The following ZFP1 variants were observed in gnomAD, a reference collection of about 807,000 sequenced individuals.
The protein encoded by ZFP1 is ZFP1 zinc finger protein.
A neutral mutation model predicts 38.5 loss-of-function variants in ZFP1; 32 were observed. That is an observed-to-expected ratio of 0.83 (90% CI 0.63 to 1.12). The LOEUF (loss-of-function observed/expected upper bound fraction) is 1.12, where lower values mean the gene tolerates loss of function less well. ZFP1 is among the 50% of genes most tolerant of loss of function. ZFP1 has a pLI of 0.00. For missense variants in ZFP1, 616 were observed against 480.8 expected (o/e 1.28, Z -2.63); for synonymous variants, 245 against 168.8 (o/e 1.45, Z -3.50).
chr16:75,151,231 A>C (rs1309951400), intron 1 of ZFP1, among the ~76,000 whole-genome samples: 1 of 151,698 alleles, frequency 6.6e-6, no homozygotes, highest in African/African-American at 2.4e-5. Flanking sequence ...TTTTACTTTG[A>C]ATGTAGCTAT....
intron 2 of ZFP1, among the ~76,000 whole-genome samples, chr16:75,162,262 A>G (rs2145553212): frequency 6.6e-6 from 1 of 151,548 alleles, no homozygotes; most frequent in South Asian, 2.1e-4. Context: ...AGCTGGGACT[A>G]CAGGCAGGCA....
chr16:75,156,848 C>T (rs557444580), intron 2 of ZFP1, among the ~76,000 whole-genome samples: 1 of 152,318 alleles, frequency 6.6e-6, no homozygotes, highest in Admixed American at 6.5e-5. Flanking sequence ...AGACAGATGT[C>T]ATCAGAACAT....
chr16:75,139,392 A>C, the ZFP1 span, among the ~76,000 whole-genome samples: 3 of 131,516 alleles, frequency 2.3e-5, no homozygotes, highest in East Asian at 1.9e-4. Flanking sequence ...AAAAAAAAAA[A>C]AAAACACCGT....
chr16:75,130,433 G>A, the ZFP1 span, among the ~76,000 whole-genome samples: 2 of 152,088 alleles, frequency 1.3e-5, no homozygotes, highest in Non-Finnish European at 2.9e-5. Flanking sequence ...GCAATTTGTT[G>A]ACTGGCCTTG....
At chr16:75,163,799 C>G (rs1468596292) in intron 2 of ZFP1, among the ~76,000 whole-genome samples, 1 of 151,492 alleles carries the variant, frequency 6.6e-6, no homozygotes, top group African/African-American at 2.4e-5. Context: ...GTTGTAGAGA[C>G]AGGGTCTTGC....
At chr16:75,144,749 T>C (rs2036925330), upstream of ZFP1, among the ~76,000 whole-genome samples, 1 of 152,234 alleles carries the variant, frequency 6.6e-6, no homozygotes, top group Non-Finnish European at 1.5e-5. Context: ...TTTCTGTCTT[T>C]ATAAATTTGC....
upstream of ZFP1, among the ~76,000 whole-genome samples, chr16:75,148,317 A>G (rs1382908732): frequency 6.6e-6 from 1 of 152,200 alleles, no homozygotes; most frequent in Non-Finnish European, 1.5e-5. Flanking sequence ...AAAAAAGAAA[A>G]CAGTGCAGGC....
chr16:75,154,380 A>G (rs990968510), intron 2 of ZFP1, among the ~76,000 whole-genome samples: 1 of 152,224 alleles, frequency 6.6e-6, no homozygotes, highest in Non-Finnish European at 1.5e-5. Flanking sequence ...AAGTTTTGGC[A>G]ATTATAAATA....
At chr16:75,128,864 C>T in the ZFP1 span, among the ~76,000 whole-genome samples, 1 of 152,238 alleles carries the variant, frequency 6.6e-6, no homozygotes, top group Admixed American at 6.5e-5. Context: ...AATCTTGGCT[C>T]ATTGCAACCT....
chr16:75,170,078 G>A lies in ZFP1; in HGVS notation c.968G>A (p.Arg323His), dbSNP rs200322345. The A allele has an allele frequency of 2.2e-5, 35 of 1,613,990 alleles. No homozygotes were observed. The Admixed American group carries it at 4.2e-4, about 19-fold the overall frequency. Residue 323 changes from arginine (R) to histidine (H), a missense_variant, in exon 4 of 4, where the codon CGC (arginine) becomes CAC (histidine). Physicochemically the swap from Arg to His is conservative, Grantham distance 29. Coordinates refer to ENST00000570010, the MANE Select transcript of ZFP1 (RefSeq NM_153688.4). ...CAGAAGATTCACACGGGGGAGAAAC[G>A]CTATGAGTGCAGTGAATGTGGAAAA... ...IHQKIHTGEK[R>H]YECSECGKSF...
chr16:75,123,455 G>GTATGTA, the ZFP1 span, among the ~76,000 whole-genome samples: 75 of 87,202 alleles, frequency 8.6e-4, no homozygotes, highest in East Asian at 2.6e-3. Flanking sequence ...GTGTGTATAT[G>GTATGTA]TATATATATA....
At chr16:75,140,775 C>A in the ZFP1 span, among the ~76,000 whole-genome samples, 1 of 152,066 alleles carries the variant, frequency 6.6e-6, no homozygotes, top group Non-Finnish European at 1.5e-5. Flanking sequence ...CTGGCTAACG[C>A]GGTGAAACCC....
chr16:75,124,302 G>C, the ZFP1 span, among the ~76,000 whole-genome samples: 3 of 150,084 alleles, frequency 2.0e-5, no homozygotes, highest in Non-Finnish European at 4.4e-5. Flanking sequence ...GGGATTACAG[G>C]CACCCACCAC....
intron 2 of ZFP1, among the ~76,000 whole-genome samples, chr16:75,156,275 G>A (rs953958023): frequency 2.0e-5 from 3 of 152,114 alleles, no homozygotes; most frequent in African/African-American, 7.2e-5. Context: ...CCAACATGGC[G>A]AAACCCTGTC....
At chr16:75,154,884 C>T (rs1191868915) in intron 2 of ZFP1, among the ~76,000 whole-genome samples, 8 of 151,960 alleles carry the variant, frequency 5.3e-5, no homozygotes. Context: ...TGCAACCTCC[C>T]CTTCCCAGGT....
intron 3 of ZFP1, 90 bp downstream of exon 3, chr16:75,166,986 A>C (rs1321121316): frequency 6.5e-7 from 1 of 1,528,042 alleles, no homozygotes; most frequent in Admixed American, 2.1e-5. Flanking sequence ...TGAATTACTA[A>C]ATGTTTTTGG....
At position 75,169,703 on chromosome 16, in the gene ZFP1, T is replaced by C; in HGVS notation, c.593T>C (p.Leu198Pro). Residue 198 changes from leucine (L) to proline (P), a missense_variant, in exon 4 of 4, where the codon CTC becomes CCC. Leu to Pro is a moderately conservative substitution (Grantham distance 98). Coordinates refer to ENST00000570010, the MANE Select transcript of ZFP1 (RefSeq NM_153688.4). ...GACAAGGCTTTCTCCTTTAAGTCAC[T>C]CCTCATTAGTCATAAGAGAATACAT... ...YCDKAFSFKS[L>P]LISHKRIHTG... The C allele has an allele frequency of 6.2e-7, 1 of 1,612,464 alleles. No homozygotes were observed. Among genetic ancestry groups the C allele is most frequent in the African/African-American group, 1.3e-5 (1 of 74,910 alleles).
At position 75,170,007 on chromosome 16, in the gene ZFP1, C is replaced by A. The variant is rs572026049; in HGVS notation, c.897C>A (p.Asn299Lys). 5.0e-6 allele frequency: 8 copies of A among 1,614,034 alleles called. No individual in the cohort carries two copies. In the African/African-American group the frequency reaches 1.1e-4, roughly 22 times the overall value. ...CAGGAGAGCGACCCTATGAGTGTAA[C>A]GAATGTGCAAAAACCTTCTTTAAGA... ...IHTGERPYEC[N>K]ECAKTFFKKS... The change falls in exon 4 of 4, where the codon AAC (asparagine) becomes AAA (lysine). Residue 299 changes from asparagine to lysine, a missense_variant. Transcript: ENST00000570010.
chr16:75,166,456 C>T, intron 2 of ZFP1: 1 of 742,704 alleles, frequency 1.3e-6, no homozygotes, highest in Non-Finnish European at 1.6e-6. Flanking sequence ...GAACTCCCGA[C>T]CTCAAGTGAT....
Sources: gnomAD v4.1 joint callset for allele counts (sites outside exome capture counted in the v4.1 genomes callset) on GRCh38, gnomAD v4.1.1 for gene constraint, MANE v1.5 for transcripts, NCBI Gene and HGNC (gene_info 2026-07-23, HGNC 2026-07-21) for gene names.